The following IL7 variants were observed in gnomAD, a reference collection of about 807,000 sequenced individuals.
IL7 encodes the protein interleukin 7.
IL7 carries 3 observed loss-of-function variants against 21.6 expected under a neutral mutation model. That is an observed-to-expected ratio of 0.14 (90% confidence interval 0.06 to 0.36). The LOEUF (loss-of-function observed/expected upper bound fraction) is 0.36. Ranked by LOEUF, IL7 falls within the 10% of genes least tolerant of loss-of-function variation. The probability of loss-of-function intolerance (pLI) is 1.00; values close to 1 mark genes in which losing one functional copy is unlikely to be tolerated. For synonymous variants in IL7, 62 were observed against 68.1 expected (o/e 0.91, Z 0.44); for missense variants, 175 against 200.2 (o/e 0.87, Z 0.76).
chr8:78,690,378 G>A (rs770145785), intron 3 of IL7, among the ~76,000 whole-genome samples: 1 of 152,124 alleles, frequency 6.6e-6, no homozygotes, highest in African/African-American at 2.4e-5. Context: ...GGCTAACACG[G>A]TGAAACCCCG....
chr8:78,800,166 C>T (rs1217405478), intron 1 of IL7, among the ~76,000 whole-genome samples: 1 of 152,224 alleles, frequency 6.6e-6, no homozygotes, highest in Admixed American at 6.5e-5. Context: ...TAAGTAAAAA[C>T]ATGCAGCATT....
chr8:78,685,039 AT>A (rs1288707443), intron 4 of IL7, among the ~76,000 whole-genome samples: 3 of 152,214 alleles, frequency 2.0e-5, no homozygotes, highest in African/African-American at 7.2e-5. Flanking sequence ...AAAAAGCTTA[AT>A]AAAATATTAG....
downstream of IL7, among the ~76,000 whole-genome samples, chr8:78,713,045 C>T (rs143664677): frequency 6.6e-6 from 1 of 152,076 alleles, no homozygotes; most frequent in Non-Finnish European, 1.5e-5. Flanking sequence ...TTTGCTGATT[C>T]TACTGTCAGA....
At chr8:78,689,116 A>T in intron 3 of IL7, 1 of 789,202 alleles carries the variant, frequency 1.3e-6, no homozygotes, top group Non-Finnish European at 1.8e-6. Flanking sequence ...TGCTTATCAG[A>T]TGTTATTACT....
chr8:78,733,781 G>T lies in IL7; in HGVS notation c.466C>A (p.Leu156Ile). The T allele has an allele frequency of 6.3e-7, 1 of 1,593,080 alleles. No homozygotes were observed. Among genetic ancestry groups the T allele is most frequent in the African/African-American group, 1.4e-5 (1 of 73,836 alleles). ...EQKKLNDLCF[L>I]KRLLQEIKTC... ...TTTATCTCTTGTAATAGTCTCTTTA[G>T]GAAACACAAGTCATTCAGTTTTTTC... The change falls in exon 6 of 6, where the codon CTA (leucine) becomes ATA (isoleucine). Residue 156 changes from leucine to isoleucine, a missense_variant. By Grantham distance (5) the Leu-to-Ile change is conservative (BLOSUM62 2). Transcript: ENST00000263851.
At chr8:78,773,584 C>T (rs143591433) in intron 2 of IL7, among the ~76,000 whole-genome samples, 6 of 152,056 alleles carry the variant, frequency 3.9e-5, no homozygotes, top group Non-Finnish European at 8.8e-5. Context: ...AGGGGCAATA[C>T]AGAGTGGCAA....
chr8:78,743,218 A>G (rs1348991485), intron 2 of IL7, among the ~76,000 whole-genome samples: 1 of 152,186 alleles, frequency 6.6e-6, no homozygotes, highest in Non-Finnish European at 1.5e-5. Context: ...ATGTGTCTTT[A>G]TAACAGAATG....
At chr8:78,719,375 C>A (rs1026791356) in intron 5 of IL7, 1 of 151,578 alleles carries the variant, frequency 6.6e-6, no homozygotes, top group African/African-American at 2.4e-5. Flanking sequence ...GGTAAGAAAT[C>A]ATCTAGTTCC....
chr8:78,764,696 G>C (rs1310006347), intron 2 of IL7, among the ~76,000 whole-genome samples: 3 of 151,942 alleles, frequency 2.0e-5, no homozygotes, highest in East Asian at 3.9e-4. Flanking sequence ...AAAAATAAAT[G>C]GAGAGATATT....
chr8:78,768,535 T>C (rs549859349), intron 2 of IL7, among the ~76,000 whole-genome samples: 6,561 of 150,594 alleles, frequency 0.044, 188 homozygotes, highest in Middle Eastern at 0.079. Flanking sequence ...TGGTGAGCAT[T>C]TTTTCATGTG....
chr8:78,715,892 T>C (rs1368281628), downstream of IL7, among the ~76,000 whole-genome samples: 1 of 151,450 alleles, frequency 6.6e-6, no homozygotes, highest in African/African-American at 2.4e-5. Context: ...GTAGAAAAAT[T>C]AGCCGGTTGT....
rs1323601018 is a variant in IL7, at chr8:78,761,565, T to C, written c.148-21483A>G. On this transcript the variant is annotated intron_variant, in intron 2 of 5. Transcript: ENST00000263851. Reference sequence around the variant, plus strand: ...AAGCCTATAAATTCCTCTCTTAGGTTATGAGATTCATCAACAAACCTCACC... The same window carrying C: ...AAGCCTATAAATTCCTCTCTTAGGTCATGAGATTCATCAACAAACCTCACC... The C allele has an allele frequency of 2.2e-5, 36 of 1,611,760 alleles. 1 individual carries two copies. The highest frequency in any genetic ancestry group is 1.7e-6 in the Non-Finnish European group (2 of 1,179,838).
At chr8:78,684,717 G>A (rs1009053002) in intron 4 of IL7, among the ~76,000 whole-genome samples, 2 of 152,042 alleles carry the variant, frequency 1.3e-5, no homozygotes. Context: ...TCAGCAAACA[G>A]GCTCTTGAGA....
chr8:78,697,348 A>G lies in IL7; in HGVS notation n.215-11401T>C, dbSNP rs191233440. The G allele has an allele frequency of 3.5e-4, 478 of 1,364,850 alleles. 1 individual carries two copies. The African/African-American group carries it at 5.5e-3, about 16-fold the overall frequency. The allele number at this position is 1,364,850 out of a possible 1,614,324, so 84.5% of individuals were successfully genotyped here. A position where few individuals can be genotyped will look rare whatever the true frequency, so the allele number is the denominator to read the frequency against. On this transcript the variant is annotated intron_variant and non_coding_transcript_variant, in intron 3 of 4. Coordinates refer to the IL7 transcript ENST00000523959. ...AAAGAATGTTAAGTTTTGAACCACT[A>G]CTTTACAATCCATAATCAAAAAGTG...
intron 3 of IL7, among the ~76,000 whole-genome samples, chr8:78,698,257 G>A (rs1810494498): frequency 6.6e-6 from 1 of 152,192 alleles, no homozygotes; most frequent in Non-Finnish European, 1.5e-5. Flanking sequence ...GATGCTATAT[G>A]TCGTCCTCTG....
chr8:78,724,627 A>G (rs974537094), intron 3 of IL7, among the ~76,000 whole-genome samples: 18 of 152,086 alleles, frequency 1.2e-4, no homozygotes, highest in Admixed American at 6.6e-4. Flanking sequence ...GAAACATGCT[A>G]TTCAATTAAC....
At chr8:78,727,669 G>T (rs1030113769) in intron 3 of IL7, among the ~76,000 whole-genome samples, 1 of 151,910 alleles carries the variant, frequency 6.6e-6, no homozygotes, top group Non-Finnish European at 1.5e-5. Flanking sequence ...TGATAAGGAG[G>T]CAATGGGTAA....
At chr8:78,716,553 C>A (rs2130619261), downstream of IL7, among the ~76,000 whole-genome samples, 1 of 152,276 alleles carries the variant, frequency 6.6e-6, no homozygotes, top group South Asian at 2.1e-4. Flanking sequence ...AGCATCACCT[C>A]ACAATCCTTG....
chr8:78,792,564 T>C (rs1813731098), intron 2 of IL7, among the ~76,000 whole-genome samples: 1 of 152,046 alleles, frequency 6.6e-6, no homozygotes, highest in Non-Finnish European at 1.5e-5. Flanking sequence ...CTCTTACAAC[T>C]ATAAAAATGA....
Sources: allele counts gnomAD v4.1 joint callset (sites outside exome capture counted in the v4.1 genomes callset), GRCh38; gene constraint gnomAD v4.1.1; transcripts MANE v1.5; gene names NCBI Gene and HGNC (gene_info 2026-07-23, HGNC 2026-07-21).